RASGRF2: variants seen among roughly 807,000 people sequenced by gnomAD.
The protein encoded by RASGRF2 is ras-specific guanine nucleotide-releasing factor 2.
Under a neutral mutation model 151.0 loss-of-function variants are expected in RASGRF2, and 76 were observed. The observed-to-expected ratio is 0.50, with a 90% CI of 0.42 to 0.61. The LOEUF (loss-of-function observed/expected upper bound fraction) is 0.61, where lower values mean the gene tolerates loss of function less well. RASGRF2 is among the 20% of genes least tolerant of loss of function. RASGRF2 has a pLI of 0.00. For missense variants in RASGRF2, 1,148 were observed against 1,564.6 expected (o/e 0.73, Z 4.49); for synonymous variants, 504 against 566.5 (o/e 0.89, Z 1.57).
At chr5:81,177,489 A>G (rs1259822579) in intron 17 of RASGRF2, among the ~76,000 whole-genome samples, 1 of 151,502 alleles carries the variant, frequency 6.6e-6, no homozygotes, top group Non-Finnish European at 1.5e-5. Flanking sequence ...CCTTACAGTC[A>G]TATATCATGC....
In RASGRF2 at chr5:81,073,385, C is replaced by T. The variant is rs376856331; in HGVS notation, c.820C>T (p.Arg274Cys). 34 of 1,614,016 alleles carry T rather than the reference C, an allele frequency of 2.1e-5. No homozygotes were observed. The highest frequency in any genetic ancestry group is 1.1e-4 in the African/African-American group (8 of 74,908). The stretch of plus-strand genomic sequence containing the variant: ...GGTCAATGGCTTTCTCCGGCCCCTG[C>T]GTATGGCCGCCAGCTCCAAGAAGCC... Reference protein sequence around the residue: ...ILVNGFLRPLRMAASSKKPPI... With the variant: ...ILVNGFLRPLCMAASSKKPPI... The change falls in exon 5 of 27, where the codon CGT becomes TGT. Residue 274 changes from arginine to cysteine, a missense_variant. Transcript: ENST00000265080.
intron 10 of RASGRF2, 71 bp from the exon 11 acceptor site, chr5:81,094,225 G>A: frequency 7.9e-7 from 1 of 1,271,792 alleles, no homozygotes; most frequent in African/African-American, 1.5e-5. Flanking sequence ...TGAATATAGT[G>A]TTTACAAATC....
Position 80,978,373 on chromosome 5 carries a change from TGA to T in RASGRF2, c.288+17350_288+17351del, listed in dbSNP as rs533103771. Among the ~76,000 whole-genome samples, 57 of 152,332 alleles carry T rather than the reference TGA, an allele frequency of 3.7e-4. 1 individual carries two copies. In the South Asian group the frequency reaches 0.012, roughly 31 times the overall value. On this transcript the variant is annotated intron_variant, in intron 1 of 26. Transcript: ENST00000265080. Reference sequence around the variant, plus strand: ...AATTTGGAAATCACAGAGAACTATATGAGAAAACTAAAATATTCTGAAATCCC... The same window carrying T: ...AATTTGGAAATCACAGAGAACTATATGAAAACTAAAATATTCTGAAATCCC...
intron 5 of RASGRF2, 28 bp downstream of exon 5, chr5:81,073,480 A>T (rs373124967): frequency 8.8e-6 from 14 of 1,590,140 alleles, no homozygotes; most frequent in South Asian, 1.1e-5. Flanking sequence ...TCAAAGAGTT[A>T]TGAGAAAAAC....
In RASGRF2 at chr5:81,087,534, G is replaced by T. The variant is rs749043778; in HGVS notation, c.1390+581G>T. 18 of 587,132 alleles carry T rather than the reference G, an allele frequency of 3.1e-5. No individual in the cohort carries two copies. The South Asian group carries it at 3.6e-4, about 12-fold the overall frequency. The allele number at this position is 587,132 out of a possible 1,614,324, so 36.4% of individuals were successfully genotyped here. A position where few individuals can be genotyped will look rare whatever the true frequency, so the allele number is the denominator to read the frequency against. Reference sequence around the variant, plus strand: ...CGTGTTTGCGAAGTGTGCTTTGGGGGCATCACTCGATAAATTAAGCTTTTG... The same window carrying T: ...CGTGTTTGCGAAGTGTGCTTTGGGGTCATCACTCGATAAATTAAGCTTTTG... On this transcript the variant is annotated intron_variant, in intron 9 of 26. Transcript: ENST00000265080.
chr5:80,987,906 G>T (rs981595721), intron 1 of RASGRF2, among the ~76,000 whole-genome samples: 5 of 151,878 alleles, frequency 3.3e-5, no homozygotes, highest in African/African-American at 1.2e-4. Flanking sequence ...GCTACTTAGA[G>T]ATCACCTCCA....
chr5:80,963,235 G>A (rs1747619806), intron 1 of RASGRF2, among the ~76,000 whole-genome samples: 3 of 152,278 alleles, frequency 2.0e-5, no homozygotes, highest in South Asian at 4.1e-4. Context: ...GAGACACGAA[G>A]GATCTGTGGA....
At chr5:81,078,464 T>G (rs1751999074) in intron 5 of RASGRF2, among the ~76,000 whole-genome samples, 2 of 152,208 alleles carry the variant, frequency 1.3e-5, no homozygotes, top group Non-Finnish European at 2.9e-5. Context: ...GATTAACTTT[T>G]TTAGCTTTCA....
In RASGRF2 at chr5:80,960,742, C is replaced by A; in HGVS notation, c.4C>A (p.Gln2Lys). Residue 2 changes from glutamine to lysine, a missense_variant, in exon 1 of 27, where the codon CAG (glutamine) becomes AAG (lysine). Gln to Lys is a moderately conservative substitution (Grantham distance 53, BLOSUM62 1). This residue lies in a region of RASGRF2 where 221 missense variants were observed against 271.3 expected (regional missense o/e 0.81). Coordinates refer to ENST00000265080, the MANE Select transcript of RASGRF2 (RefSeq NM_006909.3). This position sits in a 1 kb window ranked among gnomAD's most constrained non-coding sequence, Gnocchi z 5.5. ...GTGAGCCCTCCGCACCCGCACCATGCAGAAGAGCGTGCGCTACAACGAGGG... is the reference window on the plus strand; with the variant it reads ...GTGAGCCCTCCGCACCCGCACCATGAAGAAGAGCGTGCGCTACAACGAGGG... M[Q>K]KSVRYNEGHA... 2 of 1,586,542 alleles carry A rather than the reference C, an allele frequency of 1.3e-6. No individual in the cohort carries two copies. The highest frequency in any genetic ancestry group is 1.1e-5 in the South Asian group (1 of 87,334).
Position 80,960,608 on chromosome 5 carries a change from G to C in RASGRF2, c.-131G>C. The C allele has an allele frequency of 1.1e-6, 1 of 916,726 alleles. No individual in the cohort carries two copies. Among genetic ancestry groups the C allele is most frequent in the Non-Finnish European group, 1.4e-6 (1 of 703,182 alleles). The allele number at this position is 916,726 out of a possible 1,614,324, so 56.8% of individuals were successfully genotyped here. On this transcript the variant is annotated 5_prime_UTR_variant, in exon 1 of 27. Transcript: ENST00000265080. This position sits in a 1 kb window ranked among gnomAD's most constrained non-coding sequence, Gnocchi z 5.5. ...AAAGCGGGCGGGGTGCCCTGCGCGC[G>C]GCGTGGGGAAAGGGGGCGCCCTTCG...
intron 1 of RASGRF2, among the ~76,000 whole-genome samples, chr5:81,025,182 G>A (rs768709455): frequency 1.3e-5 from 2 of 152,146 alleles, no homozygotes; most frequent in Non-Finnish European, 2.9e-5. Context: ...TGCCCTTTTC[G>A]CTGTCCTTGC....
chr5:81,092,143 G>C (rs1023717201), intron 9 of RASGRF2, among the ~76,000 whole-genome samples: 2 of 152,100 alleles, frequency 1.3e-5, no homozygotes, highest in African/African-American at 4.8e-5. Context: ...AGGTAGTTTT[G>C]CTCCTAGGAG....
chr5:81,113,664 C>G lies in RASGRF2; in HGVS notation c.2214C>G (p.Ser738=). 1 of 1,613,340 alleles carries G rather than the reference C, an allele frequency of 6.2e-7. No homozygotes were observed. Among genetic ancestry groups the G allele is most frequent in the Non-Finnish European group, 8.5e-7 (1 of 1,179,312 alleles). Residue 738 remains serine, a synonymous_variant, in exon 15 of 27, where the codon TCC becomes TCG. Coordinates refer to ENST00000265080, the MANE Select transcript of RASGRF2 (RefSeq NM_006909.3). ...CACTGGCTGTGTCCAGAACATCTTCCCCAGTGAGGGCCAGAAAGCTGTCTT... is the reference window on the plus strand; with the variant it reads ...CACTGGCTGTGTCCAGAACATCTTCGCCAGTGAGGGCCAGAAAGCTGTCTT... ...PPPLAVSRTS[S]PVRARKLSLT...
chr5:80,986,139 C>G (rs1748466317), intron 1 of RASGRF2, among the ~76,000 whole-genome samples: 1 of 152,228 alleles, frequency 6.6e-6, no homozygotes, highest in African/African-American at 2.4e-5. Context: ...TTTATAGATG[C>G]CATCACATAG....
intron 18 of RASGRF2, among the ~76,000 whole-genome samples, chr5:81,184,340 G>A (rs889984131): frequency 2.9e-4 from 44 of 152,218 alleles, no homozygotes; most frequent in Admixed American, 6.5e-5. Context: ...ACATGTTCCC[G>A]TGATTGCTTT....
At position 81,226,908 on chromosome 5, in the gene RASGRF2, G is replaced by A. The variant is rs1287217305; in HGVS notation, c.*1138G>A. ...GGGAAATGGGCCCAACCACCGAACA[G>A]CTCTTACATTACAAAACCAAATGCA... is the stretch of plus-strand genomic sequence containing the variant. On this transcript the variant is annotated 3_prime_UTR_variant, in exon 27 of 27. Coordinates refer to ENST00000265080, the MANE Select transcript of RASGRF2 (RefSeq NM_006909.3). The A allele has an allele frequency of 2.0e-5, 3 of 152,140 alleles. No homozygotes were observed. Among genetic ancestry groups the A allele is most frequent in the Non-Finnish European group, 4.4e-5 (3 of 68,034 alleles). The allele number at this position is 152,140 out of a possible 1,614,324, so 9.4% of individuals were successfully genotyped here.
Position 81,080,620 on chromosome 5 carries a change from C to T in RASGRF2, c.992C>T (p.Pro331Leu), listed in dbSNP as rs939710734. ...ILADLFDILL[P>L]MLNIYQEFVR... ...GCTGATCTGTTTGATATTTTGCTCCCCATGCTGAACATTTATCAAGAATTT... is the reference window on the plus strand; with the variant it reads ...GCTGATCTGTTTGATATTTTGCTCCTCATGCTGAACATTTATCAAGAATTT... Residue 331 changes from proline (P) to leucine (L), a missense_variant, in exon 7 of 27, where the codon CCC becomes CTC. By Grantham distance (98) the Pro-to-Leu change is moderately conservative (BLOSUM62 -3). Coordinates refer to ENST00000265080, the MANE Select transcript of RASGRF2 (RefSeq NM_006909.3). The T allele has an allele frequency of 2.5e-6, 4 of 1,613,848 alleles. No individual in the cohort carries two copies. Among genetic ancestry groups the T allele is most frequent in the Admixed American group, 1.7e-5 (1 of 59,996 alleles).
At chr5:81,221,579 G>A (rs1054234643) in intron 26 of RASGRF2, among the ~76,000 whole-genome samples, 2 of 152,094 alleles carry the variant, frequency 1.3e-5, no homozygotes, top group Non-Finnish European at 1.5e-5. Context: ...GGCCAGGTGC[G>A]GTGGCTCACA....
chr5:81,207,491 T>C, intron 21 of RASGRF2, 142 bp downstream of exon 21: 1 of 698,042 alleles, frequency 1.4e-6, no homozygotes, highest in South Asian at 1.9e-5. Flanking sequence ...TCCATGGAAC[T>C]GGCACGCCTC....
Sources: allele counts gnomAD v4.1 joint callset (sites outside exome capture counted in the v4.1 genomes callset), GRCh38; gene constraint gnomAD v4.1.1; regional missense constraint gnomAD v4.1.1; non-coding constraint Gnocchi (gnomAD v3.1); transcripts MANE v1.5; gene names NCBI Gene and HGNC (gene_info 2026-07-23, HGNC 2026-07-21).